The following PECAM1 variants were observed in gnomAD, a reference collection of about 807,000 sequenced individuals.
PECAM1 encodes platelet and endothelial cell adhesion molecule 1.
A neutral mutation model predicts 13.8 loss-of-function variants in PECAM1; 8 were observed. The observed-to-expected ratio is 0.58, with a 90% CI of 0.34 to 1.05. The LOEUF (loss-of-function observed/expected upper bound fraction) is 1.05, where lower values mean the gene tolerates loss of function less well. PECAM1 is among the 50% of genes least tolerant of loss of function. The pLI is 0.03. For synonymous variants in PECAM1, 136 were observed against 52.6 expected (o/e 2.58, Z -6.86); for missense variants, 304 against 141.2 (o/e 2.15, Z -5.84).
chr17:64,385,104 A>G (rs2036564755), intron 2 of PECAM1, among the ~76,000 whole-genome samples: 1 of 152,222 alleles, frequency 6.6e-6, no homozygotes, highest in East Asian at 1.9e-4. Flanking sequence ...GAAGGCCCAC[A>G]GATTTCCTTA....
chr17:64,381,598 G>A (rs989920438), intron 2 of PECAM1, among the ~76,000 whole-genome samples: 28 of 152,092 alleles, frequency 1.8e-4, no homozygotes, highest in African/African-American at 5.1e-4. Context: ...TACAATTTGC[G>A]CCTGCTGCTA....
intron 14 of PECAM1, among the ~76,000 whole-genome samples, chr17:64,334,924 T>C (rs2035232626): frequency 6.6e-6 from 1 of 151,828 alleles, no homozygotes; most frequent in African/African-American, 2.4e-5. Context: ...TTCTGGAGGG[T>C]GAGAAAGACC....
At position 64,353,518 on chromosome 17, in the gene PECAM1, G is replaced by A. The variant is rs1447490252; in HGVS notation, c.1889C>T (p.Ala630Val). The change falls in exon 10 of 16, where the codon GCC becomes GTC. Residue 630 changes from alanine (A) to valine (V), a missense_variant and splice_region_variant. By Grantham distance (64) the Ala-to-Val change is moderately conservative. Transcript: ENST00000563924. ...AKCYFLRKAK[A>V]KQMPVEMSRP... Reference sequence around the variant, plus strand: ...GGACATTTCCACTGGCATCTGCTTGGCTTTAAAACAGAAAACGAAAAACCA... The same window carrying A: ...GGACATTTCCACTGGCATCTGCTTGACTTTAAAACAGAAAACGAAAAACCA... 4.3e-6 allele frequency: 2 copies of A among 470,442 alleles called. No individual in the cohort carries two copies. Among genetic ancestry groups the A allele is most frequent in the Non-Finnish European group, 7.8e-6 (2 of 257,100 alleles). 29.1% of individuals were successfully genotyped at this position (470,442 alleles called of 1,614,324 possible).
chr17:64,325,979 G>T (rs868996221), intron 15 of PECAM1, among the ~76,000 whole-genome samples: 1 of 152,152 alleles, frequency 6.6e-6, no homozygotes, highest in African/African-American at 2.4e-5. Context: ...GAAGTAGAAG[G>T]TATAAGAGGT....
At chr17:64,375,475 A>T in intron 3 of PECAM1, 119 bp from the exon 4 acceptor site, 1 of 397,612 alleles carries the variant, frequency 2.5e-6, no homozygotes. Flanking sequence ...GACCCATGAG[A>T]GGGCTCTTTT....
At chr17:64,353,612 C>T (rs1169418132) in intron 9 of PECAM1, 94 bp from the exon 10 acceptor site, 1 of 421,646 alleles carries the variant, frequency 2.4e-6, no homozygotes, top group Non-Finnish European at 4.3e-6. Context: ...TTGCACTAAC[C>T]TAATAGATAG....
Position 64,390,765 on chromosome 17 carries a change from T to C in PECAM1, c.-100A>G. On this transcript the variant is annotated 5_prime_UTR_variant, in exon 1 of 16. Transcript: ENST00000563924. ...CAAGTCACCGTTGAGAAACCCGCCC[T>C]GTGAAAAGCAGAAATTGCTCTGGTC... is the stretch of plus-strand genomic sequence containing the variant. 1 of 402,416 alleles carries C rather than the reference T, an allele frequency of 2.5e-6. No individual in the cohort carries two copies. The highest frequency in any genetic ancestry group is 4.4e-6 in the Non-Finnish European group (1 of 226,294). The allele number at this position is 402,416 out of a possible 1,614,324, so 24.9% of individuals were successfully genotyped here. A position where few individuals can be genotyped will look rare whatever the true frequency, so the allele number is the denominator to read the frequency against.
chr17:64,387,239 G>A (rs2036613680), intron 2 of PECAM1, among the ~76,000 whole-genome samples: 1 of 152,196 alleles, frequency 6.6e-6, no homozygotes. Flanking sequence ...TTGGCATCAG[G>A]TGGTCCTTGG....
intron 13 of PECAM1, among the ~76,000 whole-genome samples, chr17:64,343,863 G>C (rs1207555854): frequency 6.6e-6 from 1 of 152,122 alleles, no homozygotes; most frequent in Non-Finnish European, 1.5e-5. Context: ...CCCTATTGGG[G>C]GATCCTCCAC....
chr17:64,353,301 G>A (rs1031667033), intron 10 of PECAM1, among the ~76,000 whole-genome samples, 190 bp downstream of exon 10: 9 of 69,202 alleles, frequency 1.3e-4, no homozygotes, highest in Non-Finnish European at 2.6e-4. Flanking sequence ...ATTCTTCCAC[G>A]GAGGTACACA....
chr17:64,363,113 C>A (rs2036023956), intron 6 of PECAM1, 36 bp downstream of exon 6: 1 of 475,244 alleles, frequency 2.1e-6, no homozygotes, highest in Non-Finnish European at 3.9e-6. Flanking sequence ...CCCATTCAAC[C>A]CTGGATGTCC....
At chr17:64,364,345 C>A (rs1426835663) in intron 5 of PECAM1, among the ~76,000 whole-genome samples, 4 of 151,774 alleles carry the variant, frequency 2.6e-5, no homozygotes, top group Admixed American at 6.6e-5. Flanking sequence ...GCTTACCAAC[C>A]AAAAAGAGTC....
At chr17:64,353,442 G>A in intron 10 of PECAM1, 49 bp downstream of exon 10, 1 of 454,026 alleles carries the variant, frequency 2.2e-6, no homozygotes, top group Admixed American at 3.5e-5. Context: ...CTCCAGACAT[G>A]TCCACCGTGC....
chr17:64,373,310 A>C (rs2036284254), intron 4 of PECAM1, among the ~76,000 whole-genome samples: 1 of 152,084 alleles, frequency 6.6e-6, no homozygotes. Context: ...AAATACCTAA[A>C]TATCCATCAG....
At chr17:64,385,627 G>A (rs1438523102) in intron 2 of PECAM1, among the ~76,000 whole-genome samples, 2 of 152,148 alleles carry the variant, frequency 1.3e-5, no homozygotes, top group Non-Finnish European at 2.9e-5. Flanking sequence ...GAGTAAGTAA[G>A]AAATCATCCT....
At chr17:64,388,656 G>A (rs1194192659) in intron 2 of PECAM1, among the ~76,000 whole-genome samples, 3 of 151,940 alleles carry the variant, frequency 2.0e-5, no homozygotes, top group Non-Finnish European at 4.4e-5. Context: ...TGGACAAATC[G>A]GTTCTTTCTT....
At position 64,323,485 on chromosome 17, in the gene PECAM1, A is replaced by G; in HGVS notation, c.*331T>C. The G allele has an allele frequency of 7.8e-7, 1 of 1,274,536 alleles. No individual in the cohort carries two copies. The highest frequency in any genetic ancestry group is 1.0e-6 in the Non-Finnish European group (1 of 1,001,136). 79.0% of individuals were successfully genotyped at this position (1,274,536 alleles called of 1,614,324 possible). On this transcript the variant is annotated 3_prime_UTR_variant, in exon 16 of 16. Transcript: ENST00000563924. ...ATGAGGGTGCATGGAAAAGGTCTTT[A>G]TCTCTGCACAAAACAAAATATTCAA...
chr17:64,372,701 C>T (rs2036268323), intron 4 of PECAM1, among the ~76,000 whole-genome samples: 1 of 151,936 alleles, frequency 6.6e-6, no homozygotes, highest in African/African-American at 2.4e-5. Flanking sequence ...TGAGGTTTCA[C>T]CATGCTGGCC....
intron 2 of PECAM1, among the ~76,000 whole-genome samples, chr17:64,387,347 C>G (rs111221648): frequency 0.02 from 2,987 of 150,776 alleles, 98 homozygotes; most frequent in African/African-American, 0.068. Context: ...GGTGGGTAGG[C>G]ACAGATTATA....
Sources: allele counts gnomAD v4.1 joint callset (sites outside exome capture counted in the v4.1 genomes callset), GRCh38; gene constraint gnomAD v4.1.1; transcripts MANE v1.5; gene names NCBI Gene and HGNC (gene_info 2026-07-23, HGNC 2026-07-21).